Variants in LRRC8B observed in about 807,000 individuals in gnomAD.
LRRC8B encodes the protein leucine rich repeat containing 8 VRAC subunit B.
A neutral mutation model predicts 58.8 loss-of-function variants in LRRC8B; 23 were observed. The ratio of observed to expected loss-of-function variants is 0.39; its 90% CI spans 0.28 to 0.55. The LOEUF (loss-of-function observed/expected upper bound fraction) is 0.55, where lower values mean the gene tolerates loss of function less well. LRRC8B is among the 20% of genes least tolerant of loss of function. The pLI, the probability that LRRC8B is intolerant of heterozygous loss-of-function variation, is 0.62. For synonymous variants in LRRC8B, 359 were observed against 374.1 expected (o/e 0.96, Z 0.47); for missense variants, 694 against 936.0 (o/e 0.74, Z 3.37).
At chr1:89,558,894 G>C (rs1012177096) in intron 1 of LRRC8B, 2 of 152,112 alleles carry the variant, frequency 1.3e-5, no homozygotes, top group Non-Finnish European at 2.9e-5. Flanking sequence ...CCTCCTAAAT[G>C]CTCCATTTCT....
chr1:89,568,287 T>TGA lies in LRRC8B; in HGVS notation c.-200_-199insGA, dbSNP rs1653185455. The TGA allele has an allele frequency of 6.6e-6, 1 of 152,188 alleles. No homozygotes were observed. Among genetic ancestry groups the TGA allele is most frequent in the Non-Finnish European group, 1.5e-5 (1 of 68,004 alleles). 9.4% of individuals were successfully genotyped at this position (152,188 alleles called of 1,614,324 possible). ...TTCTGTGAGAAGTCAGAAGGTGATC[T>TGA]CTTTAATGCTTTCTTTTTAAGTAAG... On this transcript the variant is annotated 5_prime_UTR_variant, in exon 2 of 6. Coordinates refer to ENST00000330947, the MANE Select transcript of LRRC8B (RefSeq NM_001369817.2).
chr1:89,580,077 C>T (rs1654111852), intron 4 of LRRC8B, among the ~76,000 whole-genome samples: 1 of 152,200 alleles, frequency 6.6e-6, no homozygotes, highest in Non-Finnish European at 1.5e-5. Flanking sequence ...TTTTCTAAAG[C>T]TTCCATCTAC....
chr1:89,543,530 C>T (rs1218114954), intron 1 of LRRC8B, among the ~76,000 whole-genome samples: 1 of 151,096 alleles, frequency 6.6e-6, no homozygotes. Flanking sequence ...GAGTCTTGCT[C>T]TGTCACCTGG....
intron 5 of LRRC8B, among the ~76,000 whole-genome samples, chr1:89,589,413 A>G (rs1654836933): frequency 2.0e-5 from 3 of 152,214 alleles, no homozygotes; most frequent in African/African-American, 4.8e-5. Flanking sequence ...ATCCATCCCT[A>G]TCACAGTGCC....
chr1:89,552,475 T>C (rs1651895698), intron 1 of LRRC8B, among the ~76,000 whole-genome samples: 1 of 152,134 alleles, frequency 6.6e-6, no homozygotes, highest in African/African-American at 2.4e-5. Flanking sequence ...TTATAATAAC[T>C]CTCACTATGT....
intron 3 of LRRC8B, among the ~76,000 whole-genome samples, chr1:89,570,508 G>GT: frequency 6.6e-6 from 1 of 152,180 alleles, no homozygotes; most frequent in East Asian, 1.9e-4. Flanking sequence ...TTGGCCATGT[G>GT]TATGTCTTCT....
intron 1 of LRRC8B, among the ~76,000 whole-genome samples, chr1:89,566,632 A>G (rs1456618167): frequency 1.3e-5 from 2 of 152,214 alleles, no homozygotes. Context: ...ATATACCCAA[A>G]TGGAAAACCA....
At chr1:89,553,685 G>C (rs181372981) in intron 1 of LRRC8B, among the ~76,000 whole-genome samples, 1 of 152,238 alleles carries the variant, frequency 6.6e-6, no homozygotes, top group East Asian at 1.9e-4. Context: ...TTGTCCATTT[G>C]CATCAGTTTA....
chr1:89,581,548 G>C (rs944108193), intron 4 of LRRC8B, among the ~76,000 whole-genome samples: 1 of 152,130 alleles, frequency 6.6e-6, no homozygotes, highest in Admixed American at 6.6e-5. Flanking sequence ...GGATTTTACT[G>C]ATTAGCAATT....
chr1:89,586,973 C>T (rs1570648524), intron 5 of LRRC8B, among the ~76,000 whole-genome samples: 1 of 152,234 alleles, frequency 6.6e-6, no homozygotes, highest in East Asian at 1.9e-4. Context: ...GGAGAATTGT[C>T]TACAATATTG....
intron 5 of LRRC8B, among the ~76,000 whole-genome samples, chr1:89,591,886 G>C (rs1270018141): frequency 1.3e-5 from 2 of 152,122 alleles, no homozygotes; most frequent in Non-Finnish European, 2.9e-5. Flanking sequence ...GAGTATTATG[G>C]GGGGTAGGGA....
At chr1:89,564,586 C>A (rs1283715565) in intron 1 of LRRC8B, among the ~76,000 whole-genome samples, 1 of 152,102 alleles carries the variant, frequency 6.6e-6, no homozygotes, top group Non-Finnish European at 1.5e-5. Context: ...TAAGTGTTAT[C>A]CTTCCCCTAA....
intron 5 of LRRC8B, among the ~76,000 whole-genome samples, chr1:89,592,289 A>T (rs1291463148): frequency 2.0e-5 from 3 of 152,136 alleles, no homozygotes; most frequent in Admixed American, 2.0e-4. Context: ...GGCTTTTTTA[A>T]AAAAGAGAAT....
At chr1:89,572,857 T>G (rs893220148) in intron 3 of LRRC8B, among the ~76,000 whole-genome samples, 12 of 152,186 alleles carry the variant, frequency 7.9e-5, no homozygotes, top group Non-Finnish European at 1.5e-4. Flanking sequence ...TTTAAATAGA[T>G]TTTAGAAAAT....
At chr1:89,575,338 G>T (rs1288314858) in intron 3 of LRRC8B, among the ~76,000 whole-genome samples, 1 of 152,102 alleles carries the variant, frequency 6.6e-6, no homozygotes, top group Non-Finnish European at 1.5e-5. Context: ...TGCTTGGAAT[G>T]TTGTCTTAGA....
intron 1 of LRRC8B, among the ~76,000 whole-genome samples, chr1:89,538,717 T>TTTG (rs1557593821): frequency 9.2e-4 from 140 of 151,806 alleles, no homozygotes; most frequent in Non-Finnish European, 1.2e-3. Context: ...CGAGGTTTTT[T>TTTG]TTTGTTTGTT....
intron 3 of LRRC8B, among the ~76,000 whole-genome samples, chr1:89,573,387 TATTTA>T (rs986784903): frequency 1.3e-5 from 2 of 152,098 alleles, no homozygotes; most frequent in Non-Finnish European, 1.5e-5. Context: ...GTAACTTTTT[TATTTA>T]ATTTATTACT....
intron 1 of LRRC8B, among the ~76,000 whole-genome samples, chr1:89,547,685 A>C (rs1360106798): frequency 6.6e-6 from 1 of 152,180 alleles, no homozygotes; most frequent in Non-Finnish European, 1.5e-5. Context: ...TTGATTTTAA[A>C]GATCTGTTTC....
intron 1 of LRRC8B, among the ~76,000 whole-genome samples, chr1:89,545,538 C>T (rs1651337165): frequency 6.6e-6 from 1 of 152,206 alleles, no homozygotes; most frequent in South Asian, 2.1e-4. Context: ...TTTACCAAGA[C>T]ATTTCCCACA....
Sources: gnomAD v4.1 joint callset for allele counts (sites outside exome capture counted in the v4.1 genomes callset) on GRCh38, gnomAD v4.1.1 for gene constraint, MANE v1.5 for transcripts, NCBI Gene and HGNC (gene_info 2026-07-23, HGNC 2026-07-21) for gene names.